NUBPL: variants seen among roughly 807,000 people sequenced by gnomAD.
NUBPL encodes the protein NUBP iron-sulfur cluster assembly factor, mitochondrial, also known as iron-sulfur cluster transfer protein NUBPL.
In NUBPL, 31 loss-of-function variants were observed where a neutral mutation model predicts 45.7. The ratio of observed to expected loss-of-function variants is 0.68; its 90% CI spans 0.51 to 0.92. The LOEUF is 0.92. NUBPL is among the 40% of genes least tolerant of loss of function. NUBPL has a pLI of 0.00. For synonymous variants in NUBPL, 144 were observed against 140.9 expected (o/e 1.02, Z -0.15); for missense variants, 401 against 398.7 (o/e 1.01, Z -0.05).
chr14:31,595,036 A>G (rs1234088027), intron 3 of NUBPL, among the ~76,000 whole-genome samples: 2 of 152,220 alleles, frequency 1.3e-5, no homozygotes, highest in East Asian at 3.8e-4. Flanking sequence ...AAGCTTTACA[A>G]TCTTATTTAG....
intron 2 of NUBPL, among the ~76,000 whole-genome samples, chr14:31,563,906 TC>T (rs1288237559): frequency 6.6e-6 from 1 of 152,230 alleles, no homozygotes; most frequent in Non-Finnish European, 1.5e-5. Context: ...ATGCAATATT[TC>T]GTTTAATCCT....
chr14:31,611,309 CAT>C (rs1169164332), intron 4 of NUBPL, among the ~76,000 whole-genome samples: 1 of 151,814 alleles, frequency 6.6e-6, no homozygotes, highest in Non-Finnish European at 1.5e-5. Context: ...GAAAGAAAAA[CAT>C]AATCCCGTTT....
rs145505972 is a variant in NUBPL, at chr14:31,702,413, A to G, written c.513+28839A>G. Reference sequence around the variant, plus strand: ...ACCCAAAGCCCCCACTCTAAATCACATTATTACTACATGGCTAGCTCAAGG... The same window carrying G: ...ACCCAAAGCCCCCACTCTAAATCACGTTATTACTACATGGCTAGCTCAAGG... On this transcript the variant is annotated intron_variant, in intron 6 of 10. Transcript: ENST00000281081. Among the ~76,000 whole-genome samples, 12 of 152,264 alleles carry G rather than the reference A, an allele frequency of 7.9e-5. No individual in the cohort carries two copies. The East Asian group carries it at 1.4e-3, about 17-fold the overall frequency.
chr14:31,820,114 T>C (rs1301217639), intron 7 of NUBPL, among the ~76,000 whole-genome samples: 1 of 137,508 alleles, frequency 7.3e-6, no homozygotes, highest in Non-Finnish European at 1.5e-5. Context: ...CACTCCAGCC[T>C]GGGCAACAGA....
intron 3 of NUBPL, among the ~76,000 whole-genome samples, chr14:31,589,494 A>T (rs1005709602): frequency 2.6e-5 from 4 of 152,228 alleles, no homozygotes; most frequent in Admixed American, 2.0e-4. Context: ...GTCTTTTATA[A>T]GAATAATTCA....
chr14:31,762,687 T>G (rs2038837828), intron 6 of NUBPL, among the ~76,000 whole-genome samples: 1 of 152,230 alleles, frequency 6.6e-6, no homozygotes, highest in Admixed American at 6.6e-5. Flanking sequence ...ATCCAGTTTT[T>G]GGGAAATTGT....
chr14:31,685,855 G>T (rs1454305747), intron 6 of NUBPL, among the ~76,000 whole-genome samples: 1 of 152,154 alleles, frequency 6.6e-6, no homozygotes, highest in Non-Finnish European at 1.5e-5. Flanking sequence ...ATGGAGAACT[G>T]ATTTAAAATT....
chr14:31,835,254 C>T (rs1168958236), intron 8 of NUBPL, among the ~76,000 whole-genome samples: 1 of 152,124 alleles, frequency 6.6e-6, no homozygotes, highest in East Asian at 1.9e-4. Context: ...CTATATTGCT[C>T]AACTTTATTG....
intron 4 of NUBPL, among the ~76,000 whole-genome samples, chr14:31,632,056 G>A (rs1470142823): frequency 6.6e-6 from 1 of 152,100 alleles, no homozygotes; most frequent in East Asian, 1.9e-4. Flanking sequence ...GATAATCCTG[G>A]AGTTTCTAGA....
Position 31,859,654 on chromosome 14 carries a change from A to T in NUBPL, c.*474A>T, listed in dbSNP as rs1595718237. 1 of 216,112 alleles carries T rather than the reference A, an allele frequency of 4.6e-6. No homozygotes were observed. Among genetic ancestry groups the T allele is most frequent in the East Asian group, 1.1e-4 (1 of 8,916 alleles). 13.4% of individuals were successfully genotyped at this position (216,112 alleles called of 1,614,324 possible). A position where few individuals can be genotyped will look rare whatever the true frequency, so the allele number is the denominator to read the frequency against. ...TCTTAATATGAACCTCTGCTTCTTC[A>T]TCTGGATCACACTATACCCCAGACT... On this transcript the variant is annotated 3_prime_UTR_variant, in exon 11 of 11. Coordinates refer to ENST00000281081, the MANE Select transcript of NUBPL (RefSeq NM_025152.3).
At chr14:31,575,965 T>G (rs2033706612) in intron 3 of NUBPL, among the ~76,000 whole-genome samples, 1 of 152,244 alleles carries the variant, frequency 6.6e-6, no homozygotes, top group Non-Finnish European at 1.5e-5. Flanking sequence ...GAAATGTGTT[T>G]TATATTTATA....
At chr14:31,707,536 G>C (rs910927473) in intron 6 of NUBPL, among the ~76,000 whole-genome samples, 2 of 152,018 alleles carry the variant, frequency 1.3e-5, no homozygotes, top group African/African-American at 4.8e-5. Context: ...GTATAGAGGG[G>C]CCTGGCTATC....
intron 4 of NUBPL, among the ~76,000 whole-genome samples, chr14:31,651,862 G>T (rs189921373): frequency 1.1e-3 from 170 of 149,364 alleles, no homozygotes; most frequent in Admixed American, 2.7e-3. Context: ...TAGTGCCACT[G>T]CACTCCAGCC....
In NUBPL at chr14:31,805,463, C is replaced by T. The variant is rs533270059; in HGVS notation, c.607+17590C>T. 9.9e-5 allele frequency among the ~76,000 whole-genome samples: 15 copies of T among 152,132 alleles called. 1 individual carries two copies. Among genetic ancestry groups the T allele is most frequent in the Non-Finnish European group, 1.5e-4 (10 of 68,024 alleles). ...TCATTCTGTCATAAAGACACATGCA[C>T]GTGTACATTTGTTGCACTACTACTC... On this transcript the variant is annotated intron_variant, in intron 7 of 10. Transcript: ENST00000281081.
At chr14:31,664,147 T>G (rs769384306) in intron 4 of NUBPL, among the ~76,000 whole-genome samples, 7 of 152,144 alleles carry the variant, frequency 4.6e-5, no homozygotes, top group Non-Finnish European at 8.8e-5. Flanking sequence ...ACTCAGACAA[T>G]GGGGGTTTTT....
intron 6 of NUBPL, among the ~76,000 whole-genome samples, chr14:31,682,499 G>A (rs117242959): frequency 6.6e-6 from 1 of 151,970 alleles, no homozygotes; most frequent in Non-Finnish European, 1.5e-5. Flanking sequence ...GGAATGCTTA[G>A]TTTATTTACA....
At chr14:31,765,191 T>A (rs1172110060) in intron 6 of NUBPL, among the ~76,000 whole-genome samples, 2 of 152,244 alleles carry the variant, frequency 1.3e-5, no homozygotes, top group Non-Finnish European at 2.9e-5. Context: ...TTTAGTCCTT[T>A]GTTATTTTAA....
In NUBPL at chr14:31,608,740, C is replaced by T. The variant is rs150545863; in HGVS notation, c.382+9361C>T. Among the ~76,000 whole-genome samples the T allele has an allele frequency of 2.1e-3, 319 of 152,246 alleles. 1 individual carries two copies. The highest frequency in any genetic ancestry group is 7.3e-3 in the African/African-American group (304 of 41,546). ...AATCTAGACTTAGAATCTAATGCTGCCACTGATCTGACAGGAGGCGGAACT... is the reference window on the plus strand; with the variant it reads ...AATCTAGACTTAGAATCTAATGCTGTCACTGATCTGACAGGAGGCGGAACT... On this transcript the variant is annotated intron_variant, in intron 4 of 10. Transcript: ENST00000281081.
intron 8 of NUBPL, among the ~76,000 whole-genome samples, chr14:31,837,885 CTGGA>C (rs1187211726): frequency 6.6e-6 from 1 of 152,268 alleles, no homozygotes; most frequent in East Asian, 1.9e-4. Context: ...TGAGGACAAA[CTGGA>C]ATGCAGCTGC....
Sources: allele counts gnomAD v4.1 joint callset (sites outside exome capture counted in the v4.1 genomes callset), GRCh38; gene constraint gnomAD v4.1.1; transcripts MANE v1.5; gene names NCBI Gene and HGNC (gene_info 2026-07-23, HGNC 2026-07-21).